THTPA: variants seen among roughly 807,000 people sequenced by gnomAD.
THTPA encodes the protein thiamine-triphosphatase.
A neutral mutation model predicts 16.5 loss-of-function variants in THTPA; 16 were observed. The observed-to-expected ratio is 0.97, with a 90% confidence interval of 0.66 to 1.47. THTPA has a LOEUF of 1.47. Ranked by LOEUF, THTPA falls within the 40% of genes most tolerant of loss-of-function variation. THTPA has a pLI of 0.00. For missense variants in THTPA, 281 were observed against 280.9 expected (o/e 1.00, Z 0.00); for synonymous variants, 110 against 115.5 (o/e 0.95, Z 0.30).
At chr14:23,529,701 A>T in the THTPA span, 2 of 1,535,924 alleles carry the variant, frequency 1.3e-6, no homozygotes, top group Non-Finnish European at 1.7e-6. Flanking sequence ...CAGTTACCCC[A>T]ATTCTGACCG....
the THTPA span, among the ~76,000 whole-genome samples, chr14:23,540,895 CCT>C: frequency 6.6e-6 from 1 of 151,950 alleles, no homozygotes; most frequent in African/African-American, 2.4e-5. Context: ...TCTGTTCACC[CCT>C]TTTTCTTTTT....
the THTPA span, chr14:23,526,550 G>T: frequency 6.5e-7 from 1 of 1,535,934 alleles, no homozygotes; most frequent in Non-Finnish European, 8.7e-7. Flanking sequence ...ATCAGGTTCA[G>T]GGACTGGAGA....
chr14:23,527,243 C>T, the THTPA span, among the ~76,000 whole-genome samples: 1 of 152,310 alleles, frequency 6.6e-6, no homozygotes. Flanking sequence ...ACCTGCTGTT[C>T]AACAACTCTT....
the THTPA span, chr14:23,535,299 G>A: frequency 6.8e-7 from 1 of 1,470,426 alleles, no homozygotes; most frequent in Non-Finnish European, 9.0e-7. This position sits in a 1 kb window ranked among gnomAD's most constrained non-coding sequence, Gnocchi z 4.5. Context: ...TGGTACCAGT[G>A]GTAGAGGCTG....
the THTPA span, chr14:23,521,935 C>T: frequency 6.5e-7 from 1 of 1,535,428 alleles, no homozygotes; most frequent in East Asian, 2.4e-5. Context: ...CTGAGGCCCT[C>T]CCCTCTCCCC....
At chr14:23,535,523 A>C in the THTPA span, 1 of 466,664 alleles carries the variant, frequency 2.1e-6, no homozygotes, top group Non-Finnish European at 3.6e-6. This position sits in a 1 kb window ranked among gnomAD's most constrained non-coding sequence, Gnocchi z 4.5. Context: ...TTAGTGTCTA[A>C]CATGCTTCAA....
the THTPA span, among the ~76,000 whole-genome samples, chr14:23,537,397 T>C: frequency 6.6e-6 from 1 of 152,078 alleles, no homozygotes; most frequent in Non-Finnish European, 1.5e-5. Context: ...CCAGAGTGCT[T>C]CGTGTAAGGG....
chr14:23,532,615 C>T, the THTPA span: 1 of 1,457,322 alleles, frequency 6.9e-7, no homozygotes, highest in Admixed American at 2.5e-5. Flanking sequence ...TGGCATGCAG[C>T]TGCATCTTCT....
At position 23,557,086 on chromosome 14, in the gene THTPA, T is replaced by C. The variant is rs1262706163; in HGVS notation, c.329T>C (p.Leu110Pro). 1 of 1,614,214 alleles carries C rather than the reference T, an allele frequency of 6.2e-7. No individual in the cohort carries two copies. Among genetic ancestry groups the C allele is most frequent in the Non-Finnish European group, 8.5e-7 (1 of 1,180,048 alleles). The change falls in exon 1 of 2, where the codon CTG (leucine) becomes CCG (proline). Residue 110 changes from leucine (L) to proline (P), a missense_variant. Coordinates refer to ENST00000288014, the MANE Select transcript of THTPA (RefSeq NM_024328.6). ...GGGGCTGGAGATGTGGCTGCTGTGCTGGGCCCACTGGGGCTGCAGGAAGTA... is the reference window on the plus strand; with the variant it reads ...GGGGCTGGAGATGTGGCTGCTGTGCCGGGCCCACTGGGGCTGCAGGAAGTA... ...GLGAGDVAAV[L>P]GPLGLQEVAS...
At chr14:23,516,800 G>T in the THTPA span, among the ~76,000 whole-genome samples, 8,786 of 152,280 alleles carry the variant, frequency 0.058, 285 homozygotes, top group Middle Eastern at 0.071. Context: ...GGGACATCTA[G>T]AAATGAGCAC....
At chr14:23,521,792 T>G in the THTPA span, 2 of 1,210,794 alleles carry the variant, frequency 1.7e-6, no homozygotes, top group Non-Finnish European at 2.2e-6. Flanking sequence ...GAGGCAGGAC[T>G]CTGCTGGAAG....
upstream of THTPA, among the ~76,000 whole-genome samples, chr14:23,553,540 G>A (rs1033806792): frequency 2.7e-5 from 4 of 149,128 alleles, no homozygotes; most frequent in Non-Finnish European, 5.9e-5. Context: ...CAGAGGTTGC[G>A]GTGAGCCAAG....
At chr14:23,518,397 G>A in the THTPA span, among the ~76,000 whole-genome samples, 1 of 152,328 alleles carries the variant, frequency 6.6e-6, no homozygotes, top group East Asian at 1.9e-4. The surrounding 1 kb of genome is among the most constrained non-coding windows in gnomAD (Gnocchi z 4.5). Context: ...GCCTACTTCT[G>A]TAAGTATACT....
At chr14:23,520,699 A>G in the THTPA span, among the ~76,000 whole-genome samples, 6 of 149,138 alleles carry the variant, frequency 4.0e-5, no homozygotes, top group East Asian at 4.1e-4. The surrounding 1 kb of genome is among the most constrained non-coding windows in gnomAD (Gnocchi z 8.7). Context: ...GGAGGGCTGC[A>G]CCGGCATCGG....
chr14:23,514,286 G>A, the THTPA span: 1 of 152,384 alleles, frequency 6.6e-6, no homozygotes. Flanking sequence ...AACAGACGGA[G>A]AGTGGCATGA....
upstream of THTPA, among the ~76,000 whole-genome samples, chr14:23,553,595 G>A (rs573175324): frequency 7.7e-5 from 11 of 142,544 alleles, no homozygotes; most frequent in African/African-American, 1.8e-4. Flanking sequence ...GTGAAACTCC[G>A]TCTCAAAACC....
the THTPA span, among the ~76,000 whole-genome samples, chr14:23,512,284 C>T: frequency 6.6e-6 from 1 of 151,968 alleles, no homozygotes; most frequent in African/African-American, 2.4e-5. Flanking sequence ...ACAGTGCCCA[C>T]CGCCATGGAT....
chr14:23,541,880 CT>C, the THTPA span, among the ~76,000 whole-genome samples: 1 of 152,170 alleles, frequency 6.6e-6, no homozygotes, highest in African/African-American at 2.4e-5. Flanking sequence ...TACTTTGATT[CT>C]TCCCTTTTAA....
the THTPA span, among the ~76,000 whole-genome samples, chr14:23,514,836 G>A: frequency 7.9e-5 from 12 of 152,148 alleles, no homozygotes; most frequent in Admixed American, 2.0e-4. Flanking sequence ...GGCATGAGAG[G>A]ATGCCCTTAA....
Sources: gnomAD v4.1 joint callset for allele counts (sites outside exome capture counted in the v4.1 genomes callset) on GRCh38, gnomAD v4.1.1 for gene constraint, Gnocchi (gnomAD v3.1) non-coding constraint, MANE v1.5 for transcripts, NCBI Gene and HGNC (gene_info 2026-07-23, HGNC 2026-07-21) for gene names.